LRP1B: variants seen among roughly 807,000 people sequenced by gnomAD.
LRP1B encodes the protein low-density lipoprotein receptor-related protein 1B.
Under a neutral mutation model 556.6 loss-of-function variants are expected in LRP1B, and 217 were observed. That is an observed-to-expected ratio of 0.39 (90% CI 0.35 to 0.44). The LOEUF (loss-of-function observed/expected upper bound fraction) is 0.44, where lower values mean the gene tolerates loss of function less well. LRP1B is among the 20% of genes least tolerant of loss of function. LRP1B has a pLI of 1.00. For synonymous variants in LRP1B, 2,047 were observed against 1,865.8 expected (o/e 1.10, Z -2.50); for missense variants, 5,053 against 5,620.8 (o/e 0.90, Z 3.23).
chr2:140,744,184 TCATTGCATTGCATTGATATACATATAC>T (rs1213549397), intron 35 of LRP1B, among the ~76,000 whole-genome samples: 144 of 152,130 alleles, frequency 9.5e-4, no homozygotes, highest in East Asian at 3.9e-3. Context: ...AAAACATATA[TCATTGCATTGCATTGATATACATATAC>T]CATTGCATTG....
intron 86 of LRP1B, among the ~76,000 whole-genome samples, chr2:140,247,419 A>C (rs112998137): frequency 1.3e-5 from 2 of 151,748 alleles, no homozygotes; most frequent in African/African-American, 4.8e-5. Flanking sequence ...TAAAATTGGC[A>C]CATTTTATAG....
intron 47 of LRP1B, among the ~76,000 whole-genome samples, chr2:140,527,286 T>G (rs569407188): frequency 3.3e-5 from 5 of 151,890 alleles, no homozygotes; most frequent in Non-Finnish European, 7.4e-5. Flanking sequence ...ATATTTCTAT[T>G]CCAAATTCAA....
At chr2:141,040,406 C>G (rs1261062520) in intron 11 of LRP1B, among the ~76,000 whole-genome samples, 5 of 151,912 alleles carry the variant, frequency 3.3e-5, no homozygotes, top group Non-Finnish European at 2.9e-5. Context: ...ATGAGAAATC[C>G]TGCCAAAGTT....
chr2:140,793,687 A>G (rs1440361958), intron 32 of LRP1B, among the ~76,000 whole-genome samples: 3 of 152,040 alleles, frequency 2.0e-5, no homozygotes, highest in African/African-American at 7.2e-5. Flanking sequence ...AAAAATAAAA[A>G]CATGTAAAAC....
chr2:140,845,557 A>T (rs1445454119), intron 29 of LRP1B, among the ~76,000 whole-genome samples: 1 of 152,080 alleles, frequency 6.6e-6, no homozygotes, highest in African/African-American at 2.4e-5. Flanking sequence ...AAAAGAAAAA[A>T]AAACAAAAGG....
intron 41 of LRP1B, among the ~76,000 whole-genome samples, chr2:140,633,553 A>T (rs1234781038): frequency 1.3e-5 from 2 of 152,186 alleles, no homozygotes; most frequent in Admixed American, 6.5e-5. Context: ...AACTGAAAAG[A>T]TAAATAAAAT....
At chr2:141,317,369 T>C (rs1041849760) in intron 3 of LRP1B, among the ~76,000 whole-genome samples, 7 of 152,184 alleles carry the variant, frequency 4.6e-5, no homozygotes, top group Non-Finnish European at 7.3e-5. Context: ...TTCCTTGGCT[T>C]GCAGATGGCT....
At chr2:140,267,796 A>C (rs1343618927) in intron 86 of LRP1B, among the ~76,000 whole-genome samples, 1 of 152,002 alleles carries the variant, frequency 6.6e-6, no homozygotes, top group African/African-American at 2.4e-5. Context: ...ATACAAACAG[A>C]GATAGAGACA....
At chr2:140,683,410 G>T in intron 41 of LRP1B, 1 of 527,602 alleles carries the variant, frequency 1.9e-6, no homozygotes. Flanking sequence ...TTGGAATAAT[G>T]GGTTATCAGT....
intron 10 of LRP1B, among the ~76,000 whole-genome samples, chr2:141,054,525 A>G (rs1418496261): frequency 6.6e-6 from 1 of 152,012 alleles, no homozygotes; most frequent in African/African-American, 2.4e-5. Flanking sequence ...ATTCAGGCCT[A>G]TTTTTAAAAT....
chr2:141,083,840 G>A (rs1006981526), intron 7 of LRP1B, among the ~76,000 whole-genome samples: 7 of 152,022 alleles, frequency 4.6e-5, no homozygotes, highest in Non-Finnish European at 8.8e-5. Context: ...TTCACCCCCC[G>A]ACCTTGGACT....
At chr2:142,097,951 T>C (rs1326495409) in intron 1 of LRP1B, among the ~76,000 whole-genome samples, 2 of 151,746 alleles carry the variant, frequency 1.3e-5, no homozygotes, top group Non-Finnish European at 3.0e-5. Flanking sequence ...TCACTTTTGC[T>C]TCTTACAAGT....
At chr2:141,726,018 G>A (rs1189146662) in intron 2 of LRP1B, among the ~76,000 whole-genome samples, 1 of 151,128 alleles carries the variant, frequency 6.6e-6, no homozygotes, top group Non-Finnish European at 1.5e-5. Context: ...TTTTGTATAC[G>A]GATTAAGATT....
chr2:140,317,873 C>T (rs1035373405), intron 82 of LRP1B, among the ~76,000 whole-genome samples: 4 of 152,036 alleles, frequency 2.6e-5, no homozygotes, highest in African/African-American at 9.7e-5. Context: ...ACAACACTGC[C>T]TGATGAAATG....
chr2:140,752,432 C>T (rs1212663540), intron 35 of LRP1B, among the ~76,000 whole-genome samples: 1 of 150,392 alleles, frequency 6.6e-6, no homozygotes, highest in Non-Finnish European at 1.5e-5. Context: ...TCAAGCTATT[C>T]TCCTCTCTCA....
intron 57 of LRP1B, 71 bp from the exon 58 acceptor site, chr2:140,487,810 C>T (rs2105367230): frequency 3.0e-6 from 3 of 1,016,320 alleles, no homozygotes; most frequent in South Asian, 3.1e-5. Flanking sequence ...TAGGAGTTTA[C>T]AGGAATCACT....
At chr2:142,037,130 A>C (rs1045344057) in intron 1 of LRP1B, among the ~76,000 whole-genome samples, 1 of 151,614 alleles carries the variant, frequency 6.6e-6, no homozygotes, top group Non-Finnish European at 1.5e-5. Context: ...GGTCAAAACA[A>C]AGACAGACAA....
At chr2:141,470,940 C>T (rs12472911) in intron 3 of LRP1B, among the ~76,000 whole-genome samples, 104,294 of 152,090 alleles carry the variant, frequency 0.69, 37,201 homozygotes, top group East Asian at 0.83. Context: ...AGTAAACATA[C>T]CTTCCAAATT....
chr2:140,814,826 G>C (rs1691053776), intron 31 of LRP1B, among the ~76,000 whole-genome samples: 2 of 152,154 alleles, frequency 1.3e-5, no homozygotes, highest in Non-Finnish European at 2.9e-5. Context: ...TGTCACGGAG[G>C]TAAGGCTAGG....
Sources: allele counts gnomAD v4.1 joint callset (sites outside exome capture counted in the v4.1 genomes callset), GRCh38; gene constraint gnomAD v4.1.1; transcripts MANE v1.5; gene names NCBI Gene and HGNC (gene_info 2026-07-23, HGNC 2026-07-21).